TTC8: variants seen among roughly 807,000 people sequenced by gnomAD.
The protein encoded by TTC8 is tetratricopeptide repeat domain 8, also known as tetratricopeptide repeat protein 8.
TTC8 carries 47 observed loss-of-function variants against 72.5 expected under a neutral mutation model. The observed-to-expected ratio is 0.65, with a 90% CI of 0.51 to 0.83. The LOEUF is 0.83. TTC8 is among the 40% of genes least tolerant of loss of function. The pLI is 0.00. For synonymous variants in TTC8, 199 were observed against 221.4 expected (o/e 0.90, Z 0.90); for missense variants, 611 against 623.2 (o/e 0.98, Z 0.21).
chr14:88,827,575 T>C, intron 1 of TTC8, among the ~76,000 whole-genome samples: 1 of 152,192 alleles, frequency 6.6e-6, no homozygotes, highest in African/African-American at 2.4e-5. Flanking sequence ...TGTTACTAGG[T>C]AGGGCTATTG....
At chr14:88,876,871 TG>T (rs1368037843) in intron 14 of TTC8, among the ~76,000 whole-genome samples, 3 of 152,182 alleles carry the variant, frequency 2.0e-5, no homozygotes, top group Non-Finnish European at 2.9e-5. Context: ...TATTTTTGTT[TG>T]TGGTACCTTA....
chr14:88,837,551 G>A (rs2094758592), intron 2 of TTC8, among the ~76,000 whole-genome samples: 2 of 152,198 alleles, frequency 1.3e-5, no homozygotes, highest in South Asian at 2.1e-4. Flanking sequence ...CAGAGCCCAT[G>A]TTGTGCTTTG....
chr14:88,873,810 C>G (rs1034779440), intron 13 of TTC8, among the ~76,000 whole-genome samples: 2 of 152,134 alleles, frequency 1.3e-5, no homozygotes, highest in African/African-American at 4.8e-5. Context: ...ATTACATTCC[C>G]CACTTTGGAG....
chr14:88,857,331 T>C, intron 9 of TTC8, 54 bp downstream of exon 9: 1 of 1,467,532 alleles, frequency 6.8e-7, no homozygotes. Context: ...AATGTTTAAA[T>C]TCTGGCCATT....
At chr14:88,877,201 A>C in intron 14 of TTC8, 93 bp from the exon 15 acceptor site, 9 of 845,400 alleles carry the variant, frequency 1.1e-5, no homozygotes, top group Non-Finnish European at 1.8e-5. Flanking sequence ...GAATTTCTAC[A>C]GCATGCAGAT....
intron 8 of TTC8, among the ~76,000 whole-genome samples, chr14:88,856,370 C>G (rs2141005630): frequency 6.6e-6 from 1 of 152,256 alleles, no homozygotes; most frequent in Non-Finnish European, 1.5e-5. Context: ...ATGAAAGTAG[C>G]ACAATGGAGC....
rs367654731 is a variant in TTC8 at position 88,873,881 on chromosome 14, A to G, written c.1348-1145A>G. Among the ~76,000 whole-genome samples the G allele has an allele frequency of 2.6e-4, 39 of 152,354 alleles. 1 individual carries two copies. Among genetic ancestry groups the G allele is most frequent in the African/African-American group, 9.1e-4 (38 of 41,590 alleles). ...TTACCCGAGGTCACAGACATGGCGA[A>G]CAGCATGCCAGTACATTAGCCTGGT... On this transcript the variant is annotated intron_variant, in intron 13 of 14. Coordinates refer to ENST00000380656, the MANE Select transcript of TTC8 (RefSeq NM_144596.4).
At position 88,851,569 on chromosome 14, in the gene TTC8, T is replaced by C. The variant is rs545781007; in HGVS notation, c.625-1402T>C. ...CTTTATAAAGATCAACTTAAAATGT[T>C]TAGATATTTACCATGTATGCCTGAA... On this transcript the variant is annotated intron_variant, in intron 7 of 14. Coordinates refer to ENST00000380656, the MANE Select transcript of TTC8 (RefSeq NM_144596.4). Among the ~76,000 whole-genome samples, 3 of 152,328 alleles carry C rather than the reference T, an allele frequency of 2.0e-5. No homozygotes were observed. The East Asian group carries it at 5.8e-4, about 29-fold the overall frequency.
chr14:88,843,828 A>G lies in TTC8; in HGVS notation c.602A>G (p.His201Arg), dbSNP rs1328638709. ...CAGGCTTTGTTTGAGTATATCTTTCATCATGAAAATGATGTTAAGACTGTA... is the reference window on the plus strand; with the variant it reads ...CAGGCTTTGTTTGAGTATATCTTTCGTCATGAAAATGATGTTAAGACTGTA... ...LAKALFEYIFHHENDVKTALD... is the reference protein window; with the variant it reads ...LAKALFEYIFRHENDVKTALD... Residue 201 changes from histidine (H) to arginine (R), a missense_variant, in exon 7 of 15, where the codon CAT becomes CGT. His to Arg is a conservative substitution (Grantham distance 29). Transcript: ENST00000380656. The G allele has an allele frequency of 2.3e-5, 36 of 1,595,882 alleles. No homozygotes were observed. The highest frequency in any genetic ancestry group is 3.0e-5 in the Non-Finnish European group (35 of 1,168,710).
At chr14:88,836,053 A>G (rs539633730) in intron 2 of TTC8, among the ~76,000 whole-genome samples, 25 of 152,362 alleles carry the variant, frequency 1.6e-4, no homozygotes, top group East Asian at 7.7e-4. Flanking sequence ...TTAAAATTGA[A>G]TAACAGTCTG....
chr14:88,839,117 T>G (rs2094767266), intron 2 of TTC8, among the ~76,000 whole-genome samples: 1 of 152,208 alleles, frequency 6.6e-6, no homozygotes, highest in African/African-American at 2.4e-5. Flanking sequence ...AACAATGTGG[T>G]TGTAGCTTTA....
intron 8 of TTC8, among the ~76,000 whole-genome samples, chr14:88,856,677 C>G (rs1366012513): frequency 6.6e-6 from 1 of 152,132 alleles, no homozygotes; most frequent in Non-Finnish European, 1.5e-5. Context: ...TAAGGGAAAA[C>G]AAGATTTCTA....
At chr14:88,845,592 A>G (rs959870568) in intron 7 of TTC8, among the ~76,000 whole-genome samples, 1 of 152,228 alleles carries the variant, frequency 6.6e-6, no homozygotes, top group Non-Finnish European at 1.5e-5. Flanking sequence ...ACTTCATAAA[A>G]AGCTGGTGAG....
chr14:88,844,613 C>T (rs80087411), intron 7 of TTC8, among the ~76,000 whole-genome samples: 2,074 of 151,936 alleles, frequency 0.014, 20 homozygotes, highest in Non-Finnish European at 0.019. Flanking sequence ...GGTATTATCA[C>T]GGCTCACTGT....
At chr14:88,837,391 A>C (rs1330469922) in intron 2 of TTC8, among the ~76,000 whole-genome samples, 1 of 151,958 alleles carries the variant, frequency 6.6e-6, no homozygotes, top group African/African-American at 2.4e-5. Flanking sequence ...TCTATCACAC[A>C]CTTCTTTTTG....
chr14:88,868,418 GA>G (rs1170911157), intron 10 of TTC8, among the ~76,000 whole-genome samples: 1 of 152,174 alleles, frequency 6.6e-6, no homozygotes, highest in East Asian at 1.9e-4. Flanking sequence ...AAACGTTTGA[GA>G]ACCTCTGTTC....
At chr14:88,828,004 G>C (rs1159691405) in intron 1 of TTC8, among the ~76,000 whole-genome samples, 1 of 152,174 alleles carries the variant, frequency 6.6e-6, no homozygotes, top group Non-Finnish European at 1.5e-5. Flanking sequence ...TGTGTGTTTT[G>C]ATGGAGTTGT....
intron 10 of TTC8, among the ~76,000 whole-genome samples, chr14:88,864,253 G>A (rs1381948339): frequency 1.3e-5 from 2 of 152,166 alleles, no homozygotes; most frequent in Non-Finnish European, 2.9e-5. Flanking sequence ...TTTTATAAAT[G>A]TATAAATAGA....
At chr14:88,875,193 T>G in intron 14 of TTC8, 84 bp downstream of exon 14, 1 of 1,156,426 alleles carries the variant, frequency 8.6e-7, no homozygotes, top group Non-Finnish European at 1.3e-6. Context: ...AATGAGGAAA[T>G]TCTAACCTCA....
Sources: gnomAD v4.1 joint callset for allele counts (sites outside exome capture counted in the v4.1 genomes callset) on GRCh38, gnomAD v4.1.1 for gene constraint, MANE v1.5 for transcripts, NCBI Gene and HGNC (gene_info 2026-07-23, HGNC 2026-07-21) for gene names.